The following TBPL1 variants were observed in gnomAD, a reference collection of about 807,000 sequenced individuals.
TBPL1 encodes the protein TATA box-binding protein-like 1.
Under a neutral mutation model 22.1 loss-of-function variants are expected in TBPL1, and 4 were observed. The observed-to-expected ratio is 0.18, with a 90% CI of 0.09 to 0.41. The LOEUF (loss-of-function observed/expected upper bound fraction) is 0.41, where lower values mean the gene tolerates loss of function less well. Among genes scored for constraint, TBPL1 ranks in the 10% least tolerant of loss-of-function variants. TBPL1 has a pLI of 1.00. For missense variants in TBPL1, 115 were observed against 222.3 expected (o/e 0.52, Z 3.07); for synonymous variants, 64 against 71.0 (o/e 0.90, Z 0.50).
intron 1 of TBPL1, among the ~76,000 whole-genome samples, chr6:133,978,283 T>C (rs1776349387): frequency 6.6e-6 from 1 of 152,234 alleles, no homozygotes; most frequent in African/African-American, 2.4e-5. Flanking sequence ...TCATTTACTG[T>C]TACAATATCC....
chr6:133,973,224 T>A (rs1013939144), intron 1 of TBPL1, among the ~76,000 whole-genome samples: 2 of 152,196 alleles, frequency 1.3e-5, no homozygotes, highest in African/African-American at 2.4e-5. Context: ...AAAAGAGCTA[T>A]CTCTAGGAGA....
chr6:133,974,765 C>T (rs1372318783), intron 1 of TBPL1, among the ~76,000 whole-genome samples: 1 of 152,360 alleles, frequency 6.6e-6, no homozygotes, highest in Middle Eastern at 3.4e-3. Flanking sequence ...CAGATTTACT[C>T]ACACTTTCAA....
In TBPL1 at chr6:133,982,666, G is replaced by T. The variant is rs1776437283; in HGVS notation, c.218+16G>T. ...GAGCAACAAGGTAAATGCTACTTGG[G>T]TTTTTTGTTTTTATTTTTTACTTTT... On this transcript the variant is annotated intron_variant, in intron 3 of 6. Transcript: ENST00000237264. The T allele has an allele frequency of 1.2e-6, 2 of 1,603,984 alleles. No homozygotes were observed. The highest frequency in any genetic ancestry group is 1.7e-6 in the Non-Finnish European group (2 of 1,176,456).
chr6:133,964,695 G>A (rs748567699), intron 1 of TBPL1, among the ~76,000 whole-genome samples: 14 of 152,000 alleles, frequency 9.2e-5, no homozygotes, highest in African/African-American at 2.2e-4. Flanking sequence ...TGATCCACCC[G>A]CCTCAGCTTC....
chr6:133,965,282 C>T (rs956230054), intron 1 of TBPL1, among the ~76,000 whole-genome samples: 3 of 151,954 alleles, frequency 2.0e-5, no homozygotes, highest in Admixed American at 6.6e-5. Context: ...AATTATAGTC[C>T]GTAATATGGG....
chr6:133,980,765 T>TA lies in TBPL1; in HGVS notation c.135+507dup, dbSNP rs1161728644. On this transcript the variant is annotated intron_variant, in intron 2 of 6. Coordinates refer to ENST00000237264, the MANE Select transcript of TBPL1 (RefSeq NM_004865.4). ...CTGTAATATTTTAAAGCCTGAATAT[T>TA]AATAAGTAATAATAAAACCTTAGTG... Among the ~76,000 whole-genome samples the TA allele has an allele frequency of 5.9e-5, 9 of 151,822 alleles. No individual in the cohort carries two copies. The East Asian group carries it at 1.5e-3, about 26-fold the overall frequency.
At chr6:133,984,100 C>T (rs1776465224) in intron 4 of TBPL1, among the ~76,000 whole-genome samples, 1 of 152,132 alleles carries the variant, frequency 6.6e-6, no homozygotes, top group Non-Finnish European at 1.5e-5. Context: ...AAATATTTCA[C>T]TTAAAGTATT....
At chr6:133,954,377 TAAG>T (rs112733523) in intron 1 of TBPL1, among the ~76,000 whole-genome samples, 4,536 of 152,314 alleles carry the variant, frequency 0.03, 98 homozygotes, top group Non-Finnish European at 0.043. Context: ...AAAAGAGACA[TAAG>T]AAGGTTCAGC....
Position 133,982,883 on chromosome 6 carries a change from A to G in TBPL1, c.282+3A>G. ...GTCTGCAGAAACTAGGTTTTCAGGT[A>G]ACGTTTTCAAATAGTATCTAAACTA... is the stretch of plus-strand genomic sequence containing the variant. On this transcript the variant is annotated splice_donor_region_variant and intron_variant, in intron 4 of 6. Coordinates refer to ENST00000237264, the MANE Select transcript of TBPL1 (RefSeq NM_004865.4). The G allele has an allele frequency of 6.2e-7, 1 of 1,602,658 alleles. No homozygotes were observed. The highest frequency in any genetic ancestry group is 8.5e-7 in the Non-Finnish European group (1 of 1,176,750).
intron 4 of TBPL1, among the ~76,000 whole-genome samples, chr6:133,983,100 A>T (rs897118584): frequency 6.6e-6 from 1 of 152,196 alleles, no homozygotes; most frequent in South Asian, 2.1e-4. Flanking sequence ...TTCCTTTCCC[A>T]TAAAGAGACT....
intron 1 of TBPL1, among the ~76,000 whole-genome samples, chr6:133,958,780 ATAT>A (rs1775968914): frequency 6.6e-6 from 1 of 152,126 alleles, no homozygotes; most frequent in Non-Finnish European, 1.5e-5. Context: ...TATATAAAAT[ATAT>A]TATTAAAAGC....
intron 2 of TBPL1, among the ~76,000 whole-genome samples, chr6:133,980,992 G>A (rs893063992): frequency 3.1e-5 from 4 of 129,514 alleles, no homozygotes; most frequent in East Asian, 2.1e-4. Flanking sequence ...TTTTTGAGAC[G>A]GAGTCTCACT....
intron 1 of TBPL1, among the ~76,000 whole-genome samples, chr6:133,976,660 G>A (rs1049296827): frequency 6.6e-6 from 1 of 152,106 alleles, no homozygotes; most frequent in African/African-American, 2.4e-5. Flanking sequence ...AAAAATACAA[G>A]GGACATGTTA....
chr6:133,968,267 T>A (rs1776155983), intron 1 of TBPL1, among the ~76,000 whole-genome samples: 1 of 152,158 alleles, frequency 6.6e-6, no homozygotes, highest in South Asian at 2.1e-4. Context: ...TCTTATATAA[T>A]CAGAAAATGA....
intron 1 of TBPL1, among the ~76,000 whole-genome samples, chr6:133,960,017 G>A (rs1367465460): frequency 6.6e-6 from 1 of 152,160 alleles, no homozygotes; most frequent in Non-Finnish European, 1.5e-5. Flanking sequence ...GATGCTTCTG[G>A]TGAGCCGCAA....
At chr6:133,957,709 T>A (rs1202924247) in intron 1 of TBPL1, among the ~76,000 whole-genome samples, 1 of 152,232 alleles carries the variant, frequency 6.6e-6, no homozygotes, top group African/African-American at 2.4e-5. Flanking sequence ...ATTAATGGCA[T>A]GGCCTTAAAT....
At chr6:133,975,212 T>G (rs1776292901) in intron 1 of TBPL1, among the ~76,000 whole-genome samples, 1 of 152,066 alleles carries the variant, frequency 6.6e-6, no homozygotes, top group African/African-American at 2.4e-5. Context: ...GAATAAATGA[T>G]ACTACAGTGA....
intron 1 of TBPL1, among the ~76,000 whole-genome samples, chr6:133,962,356 T>C (rs547633071): frequency 6.6e-6 from 1 of 152,322 alleles, no homozygotes; most frequent in South Asian, 2.1e-4. Context: ...TAGAAGCCTG[T>C]AGCCATAATG....
intron 1 of TBPL1, among the ~76,000 whole-genome samples, chr6:133,953,899 C>T (rs1186599015): frequency 6.6e-6 from 1 of 152,000 alleles, no homozygotes; most frequent in East Asian, 1.9e-4. Flanking sequence ...AAAGCGGCTT[C>T]GTCGGTTTCT....
Sources: allele counts gnomAD v4.1 joint callset (sites outside exome capture counted in the v4.1 genomes callset), GRCh38; gene constraint gnomAD v4.1.1; transcripts MANE v1.5; gene names NCBI Gene and HGNC (gene_info 2026-07-23, HGNC 2026-07-21).